Variants in TSC22D4 observed in about 807,000 individuals in gnomAD.
TSC22D4 encodes the protein TSC22 domain family member 4.
Under a neutral mutation model 24.9 loss-of-function variants are expected in TSC22D4, and 5 were observed. The ratio of observed to expected loss-of-function variants is 0.20; its 90% CI spans 0.10 to 0.42. The LOEUF (loss-of-function observed/expected upper bound fraction) is 0.42. Among genes scored for constraint, TSC22D4 ranks in the 10% least tolerant of loss-of-function variants. TSC22D4 has a pLI of 1.00. For synonymous variants in TSC22D4, 245 were observed against 243.2 expected (o/e 1.01, Z -0.07); for missense variants, 469 against 547.9 (o/e 0.86, Z 1.44).
intron 3 of TSC22D4, chr7:100,468,078 C>T (rs761927914): frequency 2.8e-5 from 11 of 396,868 alleles, no homozygotes; most frequent in Admixed American, 1.1e-4. Flanking sequence ...GACAGTGCCT[C>T]GGGGGTGCTG....
At chr7:100,467,696 T>C (rs1395866935) in intron 3 of TSC22D4, 96 bp from the exon 4 acceptor site, 2 of 1,208,408 alleles carry the variant, frequency 1.7e-6, no homozygotes, top group Non-Finnish European at 2.4e-6. Flanking sequence ...CCCCTGTACC[T>C]GTGACAGTAG....
At chr7:100,468,269 G>A (rs751736477) in intron 3 of TSC22D4, among the ~76,000 whole-genome samples, 3 of 152,018 alleles carry the variant, frequency 2.0e-5, no homozygotes, top group Non-Finnish European at 4.4e-5. Flanking sequence ...GGGGCCGGCC[G>A]AGGAAGTCAG....
chr7:100,473,454 T>A (rs1460249378), intron 3 of TSC22D4, among the ~76,000 whole-genome samples: 2 of 151,932 alleles, frequency 1.3e-5, no homozygotes, highest in Admixed American at 1.3e-4. Context: ...TTGTTGTTTT[T>A]TTTTTGAGGC....
chr7:100,467,418 G>T, intron 4 of TSC22D4, 134 bp downstream of exon 4: 2 of 1,017,336 alleles, frequency 2.0e-6, no homozygotes, highest in Non-Finnish European at 1.5e-6. Flanking sequence ...GGCAGAGGAT[G>T]CCCAGCAGCC....
Position 100,467,570 on chromosome 7 carries a change from G to C in TSC22D4, c.960C>G (p.Asn320Lys). 3 of 1,614,094 alleles carry C rather than the reference G, an allele frequency of 1.9e-6. No homozygotes were observed. The highest frequency in any genetic ancestry group is 2.5e-6 in the Non-Finnish European group (3 of 1,179,984). The change falls in exon 4 of 5, where the codon AAC becomes AAG. Residue 320 changes from asparagine (N) to lysine (K), a missense_variant. Physicochemically the swap from Asn to Lys is moderately conservative, Grantham distance 94. Coordinates refer to ENST00000300181, the MANE Select transcript of TSC22D4 (RefSeq NM_030935.5). ...SGSGSLVGID[N>K]KIEQAMDLVK... ...CTCTTACCATGGCTTGCTCGATTTT[G>C]TTGTCAATGCCAACCAGGCTTCCGG...
chr7:100,466,987 G>A lies in TSC22D4; in HGVS notation c.1160C>T (p.Pro387Leu), dbSNP rs751066029. The A allele has an allele frequency of 1.9e-6, 3 of 1,590,848 alleles. No individual in the cohort carries two copies. Among genetic ancestry groups the A allele is most frequent in the African/African-American group, 1.3e-5 (1 of 74,620 alleles). Residue 387 changes from proline (P) to leucine (L), a missense_variant, in exon 5 of 5, where the codon CCC (proline) becomes CTC (leucine). Coordinates refer to ENST00000300181, the MANE Select transcript of TSC22D4 (RefSeq NM_030935.5). ...GACGGAGGGCCCATTGGGCGCAGGG[G>A]GCCCAAGCCGTGGGACCCCCGAGGA... ...LPSSGVPRLG[P>L]PAPNGPSV
Position 100,477,690 on chromosome 7 carries a change from C to T in TSC22D4, c.349G>A (p.Gly117Arg), listed in dbSNP as rs544100254. ...TCCAAAGATCTGCCCCCGGCGCCCC[C>T]TGAGGCCCCTCGAATTCCCTCCAGG... ...GLLEGIRGAS[G>R]GAGGRSLDSR... The change falls in exon 2 of 5, where the codon GGG becomes AGG. Residue 117 changes from glycine (G) to arginine (R), a missense_variant. Coordinates refer to ENST00000300181, the MANE Select transcript of TSC22D4 (RefSeq NM_030935.5). The surrounding 1 kb of genome is among the most constrained non-coding windows in gnomAD (Gnocchi z 7.8). 1.3e-6 allele frequency: 2 copies of T among 1,593,874 alleles called. No individual in the cohort carries two copies. Among genetic ancestry groups the T allele is most frequent in the African/African-American group, 2.7e-5 (2 of 74,932 alleles).
Position 100,474,287 on chromosome 7 carries a change from T to C in TSC22D4, c.916A>G (p.Ser306Gly). The C allele has an allele frequency of 6.2e-7, 1 of 1,614,020 alleles. No homozygotes were observed. Among genetic ancestry groups the C allele is most frequent in the Non-Finnish European group, 8.5e-7 (1 of 1,179,972 alleles). Residue 306 changes from serine to glycine, a missense_variant, in exon 3 of 5, where the codon AGC (serine) becomes GGC (glycine). Ser to Gly is a moderately conservative substitution (Grantham distance 56). Coordinates refer to ENST00000300181, the MANE Select transcript of TSC22D4 (RefSeq NM_030935.5). The surrounding 1 kb of genome is among the most constrained non-coding windows in gnomAD (Gnocchi z 4.3). Reference sequence around the variant, plus strand: ...AAGCCCACCTACCTATCATCGTCGCTGTCTAGGTGACCACTGATGGCCAAC... The same window carrying C: ...AAGCCCACCTACCTATCATCGTCGCCGTCTAGGTGACCACTGATGGCCAAC... ...SMLAISGHLDSDDDSGSGSLV... is the reference protein window; with the variant it reads ...SMLAISGHLDGDDDSGSGSLV...
Position 100,477,241 on chromosome 7 carries a change from A to T in TSC22D4, c.762+36T>A. ...GGAGGCTCAAGATAGAGGTTAGGCC[A>T]GGGCTGATGGGCCAGCCCTAGAACC... On this transcript the variant is annotated intron_variant, in intron 2 of 4. Coordinates refer to ENST00000300181, the MANE Select transcript of TSC22D4 (RefSeq NM_030935.5). The surrounding 1 kb of genome is among the most constrained non-coding windows in gnomAD (Gnocchi z 7.8). 1 of 1,446,896 alleles carries T rather than the reference A, an allele frequency of 6.9e-7. No individual in the cohort carries two copies. The highest frequency in any genetic ancestry group is 9.1e-7 in the Non-Finnish European group (1 of 1,095,350). The allele number at this position is 1,446,896 out of a possible 1,614,324, so 89.6% of individuals were successfully genotyped here. A position where few individuals can be genotyped will look rare whatever the true frequency, so the allele number is the denominator to read the frequency against.
rs1008141138 is a variant in TSC22D4, at chr7:100,466,784, C to T, written c.*175G>A. The T allele has an allele frequency of 1.4e-6, 1 of 702,400 alleles. No homozygotes were observed. Among genetic ancestry groups the T allele is most frequent in the African/African-American group, 1.8e-5 (1 of 55,446 alleles). The allele number at this position is 702,400 out of a possible 1,614,324, so 43.5% of individuals were successfully genotyped here. On this transcript the variant is annotated 3_prime_UTR_variant, in exon 5 of 5. Coordinates refer to ENST00000300181, the MANE Select transcript of TSC22D4 (RefSeq NM_030935.5). ...GCCCCGTCCTGAAGCCCTCCCTCCT[C>T]CATCAAGGCTGGGGATGATGAGGAG...
intron 3 of TSC22D4, among the ~76,000 whole-genome samples, chr7:100,471,962 C>T (rs1050628538): frequency 6.6e-6 from 1 of 152,052 alleles, no homozygotes; most frequent in East Asian, 1.9e-4. Flanking sequence ...TCACTGCCCC[C>T]ACCCCCATTC....
chr7:100,467,468 C>G (rs1358768665), intron 4 of TSC22D4, 84 bp downstream of exon 4: 3 of 1,462,066 alleles, frequency 2.1e-6, no homozygotes, highest in Non-Finnish European at 2.9e-6. Flanking sequence ...GTTGGTGTTC[C>G]CTGGTAAGGA....
At chr7:100,469,585 C>G (rs547239897) in intron 3 of TSC22D4, among the ~76,000 whole-genome samples, 108 of 152,238 alleles carry the variant, frequency 7.1e-4, no homozygotes, top group Non-Finnish European at 1.3e-3. Context: ...CCCTCTCCCA[C>G]CCCTCAGGCC....
intron 1 of TSC22D4, 42 bp from the exon 2 acceptor site, chr7:100,478,349 GA>G: frequency 3.9e-6 from 1 of 259,262 alleles, no homozygotes; most frequent in Non-Finnish European, 7.0e-6. Flanking sequence ...GAGAGAGAGA[GA>G]GTGTGTGTGT....
rs879520167 is a variant in TSC22D4, at chr7:100,477,204, G to C, written c.762+73C>G. 27 of 1,176,834 alleles carry C rather than the reference G, an allele frequency of 2.3e-5. No individual in the cohort carries two copies. The highest frequency in any genetic ancestry group is 2.9e-5 in the Non-Finnish European group (26 of 882,300). 72.9% of individuals were successfully genotyped at this position (1,176,834 alleles called of 1,614,324 possible). A position where few individuals can be genotyped will look rare whatever the true frequency, so the allele number is the denominator to read the frequency against. ...TGGAGAAGGAGGAGGAGAGGGGGGGGAGGAGGAGGAAGGAGGCTCAAGATA... is the reference window on the plus strand; with the variant it reads ...TGGAGAAGGAGGAGGAGAGGGGGGGCAGGAGGAGGAAGGAGGCTCAAGATA... On this transcript the variant is annotated intron_variant, in intron 2 of 4. Transcript: ENST00000300181. The surrounding 1 kb of genome is among the most constrained non-coding windows in gnomAD (Gnocchi z 7.8).
rs753073921 is a variant in TSC22D4, at chr7:100,474,551, G to A, written c.763-111C>T. ...CCTCTCCACCTCCCCACTCTCTTTCGAGGACCCAGGAGTCCTGTCCCCGCA... is the reference window on the plus strand; with the variant it reads ...CCTCTCCACCTCCCCACTCTCTTTCAAGGACCCAGGAGTCCTGTCCCCGCA... On this transcript the variant is annotated intron_variant, in intron 2 of 4. Coordinates refer to ENST00000300181, the MANE Select transcript of TSC22D4 (RefSeq NM_030935.5). The surrounding 1 kb of genome is among the most constrained non-coding windows in gnomAD (Gnocchi z 4.3). 15 of 1,271,390 alleles carry A rather than the reference G, an allele frequency of 1.2e-5. No individual in the cohort carries two copies. The highest frequency in any genetic ancestry group is 2.2e-5 in the Admixed American group (1 of 44,884). 78.8% of individuals were successfully genotyped at this position (1,271,390 alleles called of 1,614,324 possible).
chr7:100,478,587 G>T (rs1799562200), intron 1 of TSC22D4, among the ~76,000 whole-genome samples: 1 of 152,044 alleles, frequency 6.6e-6, no homozygotes, highest in African/African-American at 2.4e-5. Context: ...TCTCGCCTGG[G>T]ATTCTGACTC....
chr7:100,467,134 C>A lies in TSC22D4; in HGVS notation c.1013G>T (p.Arg338Leu). The A allele has an allele frequency of 6.2e-7, 1 of 1,614,154 alleles. No individual in the cohort carries two copies. The highest frequency in any genetic ancestry group is 8.5e-7 in the Non-Finnish European group (1 of 1,180,028). Residue 338 changes from arginine (R) to leucine (L), a missense_variant, in exon 5 of 5, where the codon CGG becomes CTG. Transcript: ENST00000300181. ...CTCCTTCAGCACCTCCACCTCCTCC[C>A]GGACCGCAAACATGAGGTGGGACTT... ...LVKSHLMFAVREEVEVLKEQI... is the reference protein window; with the variant it reads ...LVKSHLMFAVLEEVEVLKEQI...
In TSC22D4 at chr7:100,467,101, C is replaced by T. The variant is rs368586108; in HGVS notation, c.1046G>A (p.Arg349Gln). The change falls in exon 5 of 5, where the codon CGG becomes CAG. Residue 349 changes from arginine (R) to glutamine (Q), a missense_variant. Transcript: ENST00000300181. ...EEVEVLKEQI[R>Q]ELAERNAALE... is the part of the protein sequence containing the mutation. ...CGCAGCGTTCCGCTCCGCCAATTCCCGGATCTGCTCCTTCAGCACCTCCAC... is the reference window on the plus strand; with the variant it reads ...CGCAGCGTTCCGCTCCGCCAATTCCTGGATCTGCTCCTTCAGCACCTCCAC... 9.9e-5 allele frequency: 160 copies of T among 1,614,028 alleles called. 1 individual carries two copies. The highest frequency in any genetic ancestry group is 2.7e-5 in the African/African-American group (2 of 74,946).
Sources: gnomAD v4.1 joint callset for allele counts (sites outside exome capture counted in the v4.1 genomes callset) on GRCh38, gnomAD v4.1.1 for gene constraint, Gnocchi (gnomAD v3.1) non-coding constraint, MANE v1.5 for transcripts, NCBI Gene and HGNC (gene_info 2026-07-23, HGNC 2026-07-21) for gene names.